Variants in ANO6 observed in about 807,000 individuals in gnomAD.
ANO6 encodes the protein anoctamin-6.
A neutral mutation model predicts 117.5 loss-of-function variants in ANO6; 106 were observed. The ratio of observed to expected loss-of-function variants is 0.90; its 90% CI spans 0.77 to 1.06. The LOEUF is 1.06. ANO6 is among the 50% of genes least tolerant of loss of function. The pLI is 0.00. For missense variants in ANO6, 955 were observed against 1,121.1 expected (o/e 0.85, Z 2.12); for synonymous variants, 367 against 385.1 (o/e 0.95, Z 0.55).
At chr12:45,236,789 T>C (rs912518826) in intron 1 of ANO6, among the ~76,000 whole-genome samples, 4 of 152,210 alleles carry the variant, frequency 2.6e-5, no homozygotes, top group Non-Finnish European at 5.9e-5. Context: ...TTCTAGATCC[T>C]TGAGGAATTG....
chr12:45,394,793 C>T (rs1942562209), intron 12 of ANO6, among the ~76,000 whole-genome samples: 2 of 152,080 alleles, frequency 1.3e-5, no homozygotes, highest in South Asian at 4.2e-4. Context: ...TCTTTGAAAC[C>T]AATGAGAACA....
At chr12:45,419,071 T>C (rs971690864) in intron 17 of ANO6, among the ~76,000 whole-genome samples, 1 of 152,228 alleles carries the variant, frequency 6.6e-6, no homozygotes, top group Non-Finnish European at 1.5e-5. Flanking sequence ...AGGAATTTGG[T>C]ATAAAATCAT....
intron 1 of ANO6, among the ~76,000 whole-genome samples, chr12:45,299,176 G>A (rs1039571362): frequency 2.6e-5 from 4 of 152,266 alleles, no homozygotes; most frequent in African/African-American, 9.6e-5. Context: ...TCATAGCCTC[G>A]CATATAAGCA....
chr12:45,221,984 C>T (rs1399608740), intron 1 of ANO6, among the ~76,000 whole-genome samples: 2 of 146,740 alleles, frequency 1.4e-5, no homozygotes, highest in African/African-American at 5.1e-5. Context: ...TGGATTCACT[C>T]CATTCTCCCA....
At chr12:45,230,886 C>G (rs1264761289) in intron 1 of ANO6, among the ~76,000 whole-genome samples, 2 of 151,976 alleles carry the variant, frequency 1.3e-5, no homozygotes, top group Non-Finnish European at 2.9e-5. Context: ...CAGCTTATAC[C>G]TGTAGTTCCC....
In ANO6 at chr12:45,373,861, CA is replaced by C. The variant is rs1941921085; in HGVS notation, c.1105-4191del. Among the ~76,000 whole-genome samples, 8 of 152,190 alleles carry C rather than the reference CA, an allele frequency of 5.3e-5. No individual in the cohort carries two copies. In the South Asian group the frequency reaches 1.2e-3, roughly 24 times the overall value. On this transcript the variant is annotated intron_variant, in intron 9 of 19. Transcript: ENST00000320560. Reference sequence around the variant, plus strand: ...GCAGAAGGCAAGAAATAACTAAAATCAGAGCAGAACTGAAGGAAATAGAGAC... The same window carrying C: ...GCAGAAGGCAAGAAATAACTAAAATCGAGCAGAACTGAAGGAAATAGAGAC...
At chr12:45,288,030 A>G (rs1255233200) in intron 1 of ANO6, among the ~76,000 whole-genome samples, 2 of 152,162 alleles carry the variant, frequency 1.3e-5, no homozygotes, top group African/African-American at 4.8e-5. Context: ...CAGCACCACG[A>G]GAGTCCCCTC....
At chr12:45,370,494 C>T (rs2408260) in intron 9 of ANO6, among the ~76,000 whole-genome samples, 22,619 of 152,110 alleles carry the variant, frequency 0.15, 2,319 homozygotes, top group East Asian at 0.46. Context: ...CAGGTGGGGT[C>T]TTCTTTTTGG....
chr12:45,335,849 C>T (rs1940808903), intron 3 of ANO6, among the ~76,000 whole-genome samples: 1 of 151,924 alleles, frequency 6.6e-6, no homozygotes, highest in Non-Finnish European at 1.5e-5. Context: ...CTATTGATTT[C>T]TGTGAGTGCT....
At chr12:45,221,745 G>T (rs1947402728) in intron 1 of ANO6, among the ~76,000 whole-genome samples, 1 of 152,080 alleles carries the variant, frequency 6.6e-6, no homozygotes, top group Admixed American at 6.6e-5. Context: ...TGGGTTCTCA[G>T]CTGCTGATTG....
intron 1 of ANO6, among the ~76,000 whole-genome samples, chr12:45,278,591 C>T (rs528757198): frequency 1.3e-5 from 2 of 152,306 alleles, no homozygotes; most frequent in African/African-American, 4.8e-5. Context: ...CTCCCTCTCT[C>T]CCTTTGGTAA....
At chr12:45,323,056 G>A (rs1003014383) in intron 2 of ANO6, among the ~76,000 whole-genome samples, 11 of 152,116 alleles carry the variant, frequency 7.2e-5, no homozygotes, top group Non-Finnish European at 1.5e-4. Flanking sequence ...TCTGGCTCTG[G>A]TTCTGTTTAT....
At chr12:45,234,251 T>G (rs1430043329) in intron 1 of ANO6, among the ~76,000 whole-genome samples, 8 of 152,208 alleles carry the variant, frequency 5.3e-5, no homozygotes, top group Admixed American at 5.2e-4. Flanking sequence ...ATTGTGAAAC[T>G]GAACTGCACA....
chr12:45,352,388 T>C (rs1941300614), intron 7 of ANO6, among the ~76,000 whole-genome samples: 1 of 151,970 alleles, frequency 6.6e-6, no homozygotes, highest in South Asian at 2.1e-4. Flanking sequence ...CATTAGCTTC[T>C]ATTTCTAAAT....
chr12:45,259,061 G>A (rs983330145), intron 1 of ANO6, among the ~76,000 whole-genome samples: 1 of 152,188 alleles, frequency 6.6e-6, no homozygotes, highest in Non-Finnish European at 1.5e-5. Context: ...TCATTTAAGA[G>A]GTGATGCTTG....
intron 8 of ANO6, among the ~76,000 whole-genome samples, chr12:45,363,433 A>G (rs966135537): frequency 5.3e-5 from 8 of 151,854 alleles, no homozygotes; most frequent in Non-Finnish European, 4.4e-5. Context: ...GCATGGTGAC[A>G]TGCGCCTGTG....
At chr12:45,234,876 C>T (rs1438648349) in intron 1 of ANO6, among the ~76,000 whole-genome samples, 2 of 152,236 alleles carry the variant, frequency 1.3e-5, no homozygotes, top group Admixed American at 6.5e-5. Flanking sequence ...TTTGGCTTGT[C>T]CTTTTCCTCC....
At chr12:45,283,276 A>G (rs1312360654) in intron 1 of ANO6, among the ~76,000 whole-genome samples, 3 of 152,220 alleles carry the variant, frequency 2.0e-5, no homozygotes, top group African/African-American at 7.2e-5. Context: ...TGAGCATGAA[A>G]AATGTTGACA....
intron 2 of ANO6, among the ~76,000 whole-genome samples, chr12:45,323,233 G>C (rs766542839): frequency 2.6e-4 from 40 of 152,266 alleles, no homozygotes; most frequent in Non-Finnish European, 2.4e-4. Flanking sequence ...AGAATCTGAA[G>C]AAAGACTAAA....
Sources: gnomAD v4.1 joint callset for allele counts (sites outside exome capture counted in the v4.1 genomes callset) on GRCh38, gnomAD v4.1.1 for gene constraint, MANE v1.5 for transcripts, NCBI Gene and HGNC (gene_info 2026-07-23, HGNC 2026-07-21) for gene names.